The following TP73 variants were observed in gnomAD, a reference collection of about 807,000 sequenced individuals.
TP73 encodes tumor protein p73, also known as p53-like transcription factor.
Under a neutral mutation model 62.5 loss-of-function variants are expected in TP73, and 25 were observed. That is an observed-to-expected ratio of 0.40 (90% CI 0.29 to 0.56). TP73 has a LOEUF of 0.56. TP73 is among the 20% of genes least tolerant of loss of function. TP73 has a pLI of 0.46. For synonymous variants in TP73, 423 were observed against 377.5 expected, an observed-to-expected ratio of 1.12 and a Z score of -1.40; for missense variants, 754 against 913.3, an observed-to-expected ratio of 0.83 and a Z score of 2.25.
At position 3,666,669 on chromosome 1, in the gene TP73, C is replaced by A. The variant is rs2102030542; in HGVS notation, c.-34+14028C>A. On this transcript the variant is annotated intron_variant, in intron 1 of 13. Coordinates refer to ENST00000378295, the MANE Select transcript of TP73 (RefSeq NM_005427.4). The surrounding 1 kb of genome is among the most constrained non-coding windows in gnomAD (Gnocchi z 6.4). ...AGGGTGCCCTTTGACCTCAAAGAGG[C>A]CTGTCCTGTGTGTCTCACTGAGCAG... 6.6e-6 allele frequency among the ~76,000 whole-genome samples: 1 copy of A among 152,270 alleles called. No individual in the cohort carries two copies. The highest frequency in any genetic ancestry group is 6.5e-5 in the Admixed American group (1 of 15,286).
chr1:3,731,325 TG>T, intron 12 of TP73, 137 bp from the exon 13 acceptor site: 1 of 977,014 alleles, frequency 1.0e-6, no homozygotes, highest in Non-Finnish European at 1.5e-6. Context: ...AGGGATGCCG[TG>T]GCCACCTGTG....
chr1:3,677,479 C>T (rs1202239083), intron 1 of TP73, among the ~76,000 whole-genome samples: 9 of 152,142 alleles, frequency 5.9e-5, no homozygotes, highest in African/African-American at 9.7e-5. Flanking sequence ...CTGGCTACAG[C>T]GTAACCAGGA....
intron 3 of TP73, among the ~76,000 whole-genome samples, chr1:3,689,425 G>A (rs1390805942): frequency 6.6e-6 from 1 of 152,206 alleles, no homozygotes; most frequent in Non-Finnish European, 1.5e-5. Context: ...CGGCCCTAGG[G>A]CCCTGAGCTG....
chr1:3,671,060 G>A (rs944861283), intron 1 of TP73, among the ~76,000 whole-genome samples: 6 of 152,322 alleles, frequency 3.9e-5, no homozygotes, highest in East Asian at 1.9e-4. Flanking sequence ...CCTGACAGCC[G>A]TCCCTCGTGG....
chr1:3,665,969 T>C (rs1282381446), intron 1 of TP73, among the ~76,000 whole-genome samples: 3 of 151,140 alleles, frequency 2.0e-5, no homozygotes, highest in African/African-American at 4.9e-5. Context: ...ACCCCATCTC[T>C]ACTAAAAATA....
intron 1 of TP73, among the ~76,000 whole-genome samples, chr1:3,655,757 A>G (rs1316804288): frequency 3.3e-5 from 5 of 152,200 alleles, no homozygotes; most frequent in Non-Finnish European, 7.3e-5. Flanking sequence ...GTAGCTGGCA[A>G]CATCCACTCG....
chr1:3,724,005 C>T (rs868238602), intron 6 of TP73, among the ~76,000 whole-genome samples: 5 of 140,282 alleles, frequency 3.6e-5, no homozygotes, highest in Non-Finnish European at 4.6e-5. Context: ...GGTGGAGAGC[C>T]GGGAGGCCCC....
intron 1 of TP73, among the ~76,000 whole-genome samples, chr1:3,678,111 T>G (rs970939142): frequency 3.3e-5 from 5 of 152,256 alleles, no homozygotes; most frequent in Non-Finnish European, 5.9e-5. Context: ...GAAATTGGTC[T>G]CCTTTCCCCA....
At position 3,723,339 on chromosome 1, in the gene TP73, G is replaced by T. The variant is rs764828055; in HGVS notation, c.617-15G>T. The T allele has an allele frequency of 6.2e-7, 1 of 1,608,906 alleles. No homozygotes were observed. The highest frequency in any genetic ancestry group is 8.5e-7 in the Non-Finnish European group (1 of 1,176,852). ...CCTCTATGCACCTCTCTGAAGTGTC[G>T]ACCCCTCCCGGCAGGACAGTCTGCT... is the stretch of plus-strand genomic sequence containing the variant. On this transcript the variant is annotated splice_polypyrimidine_tract_variant and intron_variant, in intron 5 of 13. Coordinates refer to ENST00000378295, the MANE Select transcript of TP73 (RefSeq NM_005427.4).
At chr1:3,728,283 G>T in intron 9 of TP73, 66 bp downstream of exon 9, 1 of 1,537,686 alleles carries the variant, frequency 6.5e-7, no homozygotes. Context: ...CTGAGCCCAG[G>T]CTGGGCCATG....
chr1:3,668,021 T>TC (rs1040048095), intron 1 of TP73, among the ~76,000 whole-genome samples: 1 of 152,164 alleles, frequency 6.6e-6, no homozygotes, highest in Non-Finnish European at 1.5e-5. Context: ...ATGGCCAGGG[T>TC]CCAGCTGCTA....
chr1:3,704,145 C>T (rs995611586), intron 3 of TP73, among the ~76,000 whole-genome samples: 10 of 152,342 alleles, frequency 6.6e-5, no homozygotes, highest in East Asian at 1.9e-4. Context: ...AATAGGAGCA[C>T]GGACTGAGGG....
At position 3,701,636 on chromosome 1, in the gene TP73, C is replaced by G. The variant is rs979253289; in HGVS notation, c.187-5913C>G. Among the ~76,000 whole-genome samples, 2 of 152,172 alleles carry G rather than the reference C, an allele frequency of 1.3e-5. No individual in the cohort carries two copies. Among genetic ancestry groups the G allele is most frequent in the Non-Finnish European group, 2.9e-5 (2 of 68,044 alleles). On this transcript the variant is annotated intron_variant, in intron 3 of 13. Coordinates refer to ENST00000378295, the MANE Select transcript of TP73 (RefSeq NM_005427.4). The surrounding 1 kb of genome is among the most constrained non-coding windows in gnomAD (Gnocchi z 4.7). ...TCTCCTTGCTCATCCTCCCAAGTAG[C>G]TGGGATTACAGGTGCCCACCACCAC...
chr1:3,672,106 G>A lies in TP73; in HGVS notation c.-33-10227G>A, dbSNP rs145361977. Among the ~76,000 whole-genome samples, 350 of 152,228 alleles carry A rather than the reference G, an allele frequency of 2.3e-3. 1 individual carries two copies. Among genetic ancestry groups the A allele is most frequent in the South Asian group, 0.015 (74 of 4,820 alleles). On this transcript the variant is annotated intron_variant, in intron 1 of 13. Transcript: ENST00000378295. The surrounding 1 kb of genome is among the most constrained non-coding windows in gnomAD (Gnocchi z 5.3). ...AGGGAGACATGTCCACTGGTGCAGC[G>A]GGCGTGTCCCAGACCCCTTAGAGAA...
At chr1:3,668,734 G>C (rs1645175691) in intron 1 of TP73, 1 of 152,464 alleles carries the variant, frequency 6.6e-6, no homozygotes, top group Admixed American at 6.5e-5. Flanking sequence ...ATGAGAGCTG[G>C]GGACGGGTGG....
chr1:3,668,936 G>A (rs1645180206), intron 1 of TP73, among the ~76,000 whole-genome samples: 2 of 152,222 alleles, frequency 1.3e-5, no homozygotes, highest in African/African-American at 2.4e-5. Context: ...GGTGGCAGGC[G>A]GCAGGTGCTG....
intron 2 of TP73, 106 bp downstream of exon 2, chr1:3,682,536 C>T (rs1645549804): frequency 1.8e-6 from 2 of 1,133,138 alleles, no homozygotes; most frequent in East Asian, 3.0e-5. Context: ...GAGGGGTGGC[C>T]CCGGGAGGAC....
chr1:3,725,457 A>G (rs939427502), intron 6 of TP73, among the ~76,000 whole-genome samples: 3 of 141,966 alleles, frequency 2.1e-5, no homozygotes, highest in East Asian at 2.2e-4. Context: ...ATGGATGGAT[A>G]AATGGGGTGG....
intron 3 of TP73, among the ~76,000 whole-genome samples, chr1:3,688,500 C>A (rs996853016): frequency 6.6e-6 from 1 of 152,164 alleles, no homozygotes; most frequent in Non-Finnish European, 1.5e-5. Context: ...GTCCTGCGGC[C>A]CAGGGTCCTG....
Sources: gnomAD v4.1 joint callset for allele counts (sites outside exome capture counted in the v4.1 genomes callset) on GRCh38, gnomAD v4.1.1 for gene constraint, Gnocchi (gnomAD v3.1) non-coding constraint, MANE v1.5 for transcripts, NCBI Gene and HGNC (gene_info 2026-07-23, HGNC 2026-07-21) for gene names.